The following KALRN variants were observed in gnomAD, a reference collection of about 807,000 sequenced individuals.
KALRN encodes the protein kalirin.
KALRN carries 70 observed loss-of-function variants against 353.7 expected under a neutral mutation model. The ratio of observed to expected loss-of-function variants is 0.20; its 90% CI spans 0.16 to 0.24. The LOEUF is 0.24. Among genes scored for constraint, KALRN ranks in the 10% least tolerant of loss-of-function variants. KALRN has a pLI of 1.00. For synonymous variants in KALRN, 1,391 were observed against 1,434.8 expected (o/e 0.97, Z 0.69); for missense variants, 2,791 against 3,756.7 (o/e 0.74, Z 6.72).
At chr3:124,232,701 T>TCTA in intron 2 of KALRN, among the ~76,000 whole-genome samples, 1 of 152,292 alleles carries the variant, frequency 6.6e-6, no homozygotes, top group Non-Finnish European at 1.5e-5. Context: ...TGACTCCTTA[T>TCTA]CTACACTTCT....
intron 27 of KALRN, among the ~76,000 whole-genome samples, chr3:124,481,287 G>A (rs1343301632): frequency 2.6e-5 from 4 of 152,100 alleles, no homozygotes; most frequent in Non-Finnish European, 5.9e-5. Flanking sequence ...GCTCACTGCA[G>A]CCTTGACCTT....
intron 44 of KALRN, among the ~76,000 whole-genome samples, chr3:124,661,514 C>T (rs1418839139): frequency 6.6e-6 from 1 of 152,172 alleles, no homozygotes; most frequent in Non-Finnish European, 1.5e-5. Flanking sequence ...TAAGCTGTTG[C>T]CTGGGCAGCC....
Position 124,697,599 on chromosome 3 carries a change from C to T in KALRN, c.7706C>T (p.Pro2569Leu). 1 of 1,601,650 alleles carries T rather than the reference C, an allele frequency of 6.2e-7. No homozygotes were observed. The highest frequency in any genetic ancestry group is 1.1e-5 in the South Asian group (1 of 88,440). ...CTGATTTCTGTCTCCATAGGTGTTC[C>T]AGCAGCCCCTAACCGCCCCATTGCC... ...TSATVKVQGV[P>L]AAPNRPIAQE... is the part of the protein sequence containing the mutation. Residue 2569 changes from proline (P) to leucine (L), a missense_variant, in exon 55 of 60, where the codon CCA becomes CTA. Pro to Leu is a moderately conservative substitution (Grantham distance 98, BLOSUM62 -3). Coordinates refer to ENST00000682506, the MANE Select transcript of KALRN (RefSeq NM_001388419.1).
chr3:124,113,911 A>G lies in KALRN; in HGVS notation c.73+80098A>G, dbSNP rs559700392. ...CTTCAGAAACCCGTTCTTATCAACC[A>G]CTTAAGGAGAGAAGGATCCAAGGGC... On this transcript the variant is annotated intron_variant, in intron 1 of 59. Transcript: ENST00000682506. 4.6e-5 allele frequency among the ~76,000 whole-genome samples: 7 copies of G among 152,340 alleles called. No individual in the cohort carries two copies. The East Asian group carries it at 9.6e-4, about 21-fold the overall frequency.
At chr3:124,361,611 A>G (rs1317305668) in intron 10 of KALRN, among the ~76,000 whole-genome samples, 1 of 152,250 alleles carries the variant, frequency 6.6e-6, no homozygotes, top group Non-Finnish European at 1.5e-5. Flanking sequence ...CAACATTAGC[A>G]TTGAAGACAG....
intron 1 of KALRN, among the ~76,000 whole-genome samples, chr3:124,058,600 G>A (rs1051771406): frequency 3.3e-5 from 5 of 152,130 alleles, no homozygotes; most frequent in African/African-American, 1.2e-4. Flanking sequence ...TATGGTGCCT[G>A]AGAGCACTAG....
At chr3:124,658,267 G>A (rs1227948456) in intron 41 of KALRN, among the ~76,000 whole-genome samples, 164 bp from the exon 42 acceptor site, 1 of 152,178 alleles carries the variant, frequency 6.6e-6, no homozygotes, top group East Asian at 1.9e-4. Context: ...GATTTGGAAA[G>A]TGGCTCTTGC....
intron 27 of KALRN, among the ~76,000 whole-genome samples, chr3:124,481,770 C>T (rs542434716): frequency 6.6e-6 from 1 of 152,238 alleles, no homozygotes; most frequent in Admixed American, 6.5e-5. Flanking sequence ...TTACTTAACC[C>T]ACCCCCACTG....
chr3:124,596,973 G>A (rs577228861), intron 34 of KALRN, among the ~76,000 whole-genome samples: 3 of 152,056 alleles, frequency 2.0e-5, no homozygotes, highest in African/African-American at 7.2e-5. Context: ...CCTTGAACCC[G>A]GGAGGCGGAG....
chr3:124,045,105 A>G (rs1261135975), intron 1 of KALRN, among the ~76,000 whole-genome samples: 1 of 151,972 alleles, frequency 6.6e-6, no homozygotes, highest in East Asian at 1.9e-4. Flanking sequence ...CACAATATTG[A>G]GTTGGCAGCT....
chr3:124,265,482 A>G (rs796578431), intron 4 of KALRN, among the ~76,000 whole-genome samples: 6 of 151,178 alleles, frequency 4.0e-5, no homozygotes, highest in African/African-American at 1.5e-4. Flanking sequence ...TAGTAGAGAT[A>G]GGGTTTCATC....
intron 1 of KALRN, among the ~76,000 whole-genome samples, chr3:124,078,584 G>A (rs1373379031): frequency 6.6e-6 from 1 of 152,124 alleles, no homozygotes; most frequent in Non-Finnish European, 1.5e-5. Context: ...GGGAGACACT[G>A]AGGAGGATAT....
chr3:124,439,172 T>G, intron 18 of KALRN, 135 bp downstream of exon 18: 1 of 708,260 alleles, frequency 1.4e-6, no homozygotes. Context: ...TTTCTCCTCC[T>G]CCTCCTTCTT....
chr3:124,396,476 C>G (rs1435496347), intron 12 of KALRN, among the ~76,000 whole-genome samples: 1 of 152,154 alleles, frequency 6.6e-6, no homozygotes, highest in South Asian at 2.1e-4. Context: ...TTGTGTGCCT[C>G]CCTAGGAAAC....
rs138971942 is a variant in KALRN at position 124,645,013 on chromosome 3, G to A, written c.5665-5795G>A. Among the ~76,000 whole-genome samples the A allele has an allele frequency of 3.6e-3, 549 of 152,248 alleles. 3 individuals carry two copies. Among genetic ancestry groups the A allele is most frequent in the African/African-American group, 0.012 (514 of 41,552 alleles). On this transcript the variant is annotated intron_variant, in intron 37 of 59. Coordinates refer to ENST00000682506, the MANE Select transcript of KALRN (RefSeq NM_001388419.1). ...GTTGTTTCCTGACTTTTTGATGATC[G>A]CCATTCTAACTGGCGTGAGATGGTA...
At chr3:124,602,946 T>TG in intron 34 of KALRN, among the ~76,000 whole-genome samples, 1 of 151,404 alleles carries the variant, frequency 6.6e-6, no homozygotes, top group Non-Finnish European at 1.5e-5. Flanking sequence ...CGTGGTTTTT[T>TG]TTTTGTTGTT....
intron 6 of KALRN, among the ~76,000 whole-genome samples, chr3:124,307,049 A>G (rs1424238571): frequency 6.6e-6 from 1 of 152,170 alleles, no homozygotes; most frequent in East Asian, 1.9e-4. Flanking sequence ...ATTTGAATCT[A>G]CACCAAAAGA....
chr3:124,709,432 C>A (rs1395881705), intron 57 of KALRN, among the ~76,000 whole-genome samples: 1 of 152,164 alleles, frequency 6.6e-6, no homozygotes, highest in African/African-American at 2.4e-5. Flanking sequence ...CACGCACAAC[C>A]ATGCCTGGCT....
At chr3:124,074,691 T>A (rs1367344642) in intron 1 of KALRN, among the ~76,000 whole-genome samples, 2 of 152,200 alleles carry the variant, frequency 1.3e-5, no homozygotes, top group Admixed American at 1.3e-4. Context: ...TGGAAAAGTG[T>A]AGCTCCATAG....
Sources: gnomAD v4.1 joint callset for allele counts (sites outside exome capture counted in the v4.1 genomes callset) on GRCh38, gnomAD v4.1.1 for gene constraint, MANE v1.5 for transcripts, NCBI Gene and HGNC (gene_info 2026-07-23, HGNC 2026-07-21) for gene names.